AMD1: variants seen among roughly 807,000 people sequenced by gnomAD.
AMD1 encodes the protein adenosylmethionine decarboxylase 1, also known as S-adenosylmethionine decarboxylase proenzyme.
AMD1 carries 11 observed loss-of-function variants against 40.2 expected under a neutral mutation model. That is an observed-to-expected ratio of 0.27 (90% CI 0.17 to 0.45). AMD1 has a LOEUF of 0.45. AMD1 is among the 20% of genes least tolerant of loss of function. The pLI, the probability that AMD1 is intolerant of heterozygous loss-of-function variation, is 1.00. For synonymous variants in AMD1, 121 were observed against 130.8 expected (o/e 0.93, Z 0.51); for missense variants, 257 against 410.2 (o/e 0.63, Z 3.23).
the AMD1 span, among the ~76,000 whole-genome samples, chr6:110,839,973 G>C: frequency 1.1e-3 from 173 of 151,006 alleles, no homozygotes; most frequent in Middle Eastern, 6.8e-3. Context: ...CCCCATATAA[G>C]GCTGTTATAC....
the AMD1 span, among the ~76,000 whole-genome samples, chr6:110,851,125 G>A: frequency 1.0e-2 from 1,514 of 151,784 alleles, 23 homozygotes; most frequent in African/African-American, 0.035. Context: ...CACCATGCTC[G>A]GCTAATTTTT....
chr6:110,876,806 A>C (rs148362406), intron 1 of AMD1, among the ~76,000 whole-genome samples: 2 of 152,328 alleles, frequency 1.3e-5, no homozygotes, highest in East Asian at 1.9e-4. Context: ...TTAACCTAGA[A>C]AATCTTGGCA....
chr6:110,826,692 T>C, the AMD1 span, among the ~76,000 whole-genome samples: 27 of 149,858 alleles, frequency 1.8e-4, no homozygotes, highest in Non-Finnish European at 3.1e-4. Context: ...TTCTTTCTTT[T>C]TTTTTTTTTT....
At chr6:110,856,933 G>A in the AMD1 span, among the ~76,000 whole-genome samples, 1 of 152,150 alleles carries the variant, frequency 6.6e-6, no homozygotes, top group East Asian at 1.9e-4. Flanking sequence ...GGAGGCCAAG[G>A]CAGGTGGATC....
the AMD1 span, among the ~76,000 whole-genome samples, chr6:110,827,765 CAAAA>C: frequency 3.3e-5 from 3 of 91,234 alleles, no homozygotes; most frequent in African/African-American, 8.0e-5. Flanking sequence ...AACTCCATCT[CAAAA>C]AAAAAAAAAA....
At chr6:110,890,404 G>A in intron 4 of AMD1, 48 bp downstream of exon 4, 1 of 1,336,422 alleles carries the variant, frequency 7.5e-7, no homozygotes, top group Non-Finnish European at 1.1e-6. Flanking sequence ...AAGATAGAAA[G>A]TGCAACCTCA....
At chr6:110,826,777 C>T in the AMD1 span, among the ~76,000 whole-genome samples, 5 of 151,718 alleles carry the variant, frequency 3.3e-5, no homozygotes, top group Admixed American at 6.6e-5. Flanking sequence ...CTGCAACCCC[C>T]GCCTCCCAGG....
chr6:110,830,643 C>T, the AMD1 span, among the ~76,000 whole-genome samples: 1 of 152,210 alleles, frequency 6.6e-6, no homozygotes, highest in Admixed American at 6.5e-5. Flanking sequence ...TATGGGGTAG[C>T]CCTGTTCCGC....
At chr6:110,872,565 T>C (rs994576981), upstream of AMD1, among the ~76,000 whole-genome samples, 5 of 152,210 alleles carry the variant, frequency 3.3e-5, no homozygotes, top group Non-Finnish European at 7.3e-5. Context: ...TTTGGACATA[T>C]TGAGTTCAGG....
Position 110,888,993 on chromosome 6 carries a change from C to CA in AMD1, c.324+13dup, listed in dbSNP as rs1562339334. ...GTTTGACTCAATTCAAGTAAGTAAG[C>CA]AAACATTTAAATATTTTTCAGGCAT... On this transcript the variant is annotated intron_variant, in intron 3 of 8. Transcript: ENST00000368885. The CA allele has an allele frequency of 3.7e-6, 6 of 1,609,118 alleles. No individual in the cohort carries two copies. Among genetic ancestry groups the CA allele is most frequent in the Middle Eastern group, 3.3e-4 (2 of 6,018 alleles).
At chr6:110,852,048 A>AT in the AMD1 span, among the ~76,000 whole-genome samples, 13 of 142,036 alleles carry the variant, frequency 9.2e-5, no homozygotes, top group African/African-American at 3.4e-4. Context: ...ACATAACGAG[A>AT]TTTTTTTGTT....
chr6:110,854,239 AC>A, the AMD1 span, among the ~76,000 whole-genome samples: 2 of 152,144 alleles, frequency 1.3e-5, 1 homozygote, highest in South Asian at 4.1e-4. Context: ...GTGGTACCAC[AC>A]CTTTATTGCT....
chr6:110,866,558 A>G, the AMD1 span, among the ~76,000 whole-genome samples: 2 of 152,212 alleles, frequency 1.3e-5, no homozygotes, highest in Admixed American at 6.5e-5. Flanking sequence ...ACTAGGGAGA[A>G]TGAATGGATT....
chr6:110,825,206 A>G, the AMD1 span, among the ~76,000 whole-genome samples: 1 of 152,236 alleles, frequency 6.6e-6, no homozygotes, highest in Non-Finnish European at 1.5e-5. Flanking sequence ...ATAATAAAAT[A>G]CAATTATCAC....
the AMD1 span, chr6:110,814,874 T>A: frequency 8.3e-7 from 1 of 1,199,568 alleles, no homozygotes; most frequent in Non-Finnish European, 1.2e-6. Context: ...GGAGTCGGTG[T>A]CCGGACGCAA....
At chr6:110,865,783 GAT>G in the AMD1 span, among the ~76,000 whole-genome samples, 1 of 149,622 alleles carries the variant, frequency 6.7e-6, no homozygotes, top group South Asian at 2.1e-4. Context: ...TTTTGTTTGA[GAT>G]AGAGTCTCAC....
the AMD1 span, among the ~76,000 whole-genome samples, chr6:110,840,444 T>G: frequency 7.2e-5 from 11 of 152,088 alleles, no homozygotes; most frequent in Non-Finnish European, 1.5e-4. Context: ...TTGGGTTCAA[T>G]GAATTTGCTG....
At chr6:110,842,385 A>G in the AMD1 span, among the ~76,000 whole-genome samples, 2 of 152,192 alleles carry the variant, frequency 1.3e-5, no homozygotes, top group Non-Finnish European at 2.9e-5. Context: ...AGCAGGCTTA[A>G]TGTCCATTAT....
chr6:110,834,855 A>G, the AMD1 span, among the ~76,000 whole-genome samples: 1 of 150,452 alleles, frequency 6.6e-6, no homozygotes, highest in African/African-American at 2.4e-5. Flanking sequence ...AGGCTGAGGC[A>G]GGAGAATCAC....
Sources: gnomAD v4.1 joint callset for allele counts (sites outside exome capture counted in the v4.1 genomes callset) on GRCh38, gnomAD v4.1.1 for gene constraint, MANE v1.5 for transcripts, NCBI Gene and HGNC (gene_info 2026-07-23, HGNC 2026-07-21) for gene names.